The following SLC36A1 variants were observed in gnomAD, a reference collection of about 807,000 sequenced individuals.
The protein encoded by SLC36A1 is solute carrier family 36 member 1.
In SLC36A1, 30 loss-of-function variants were observed where a neutral mutation model predicts 47.5. The ratio of observed to expected loss-of-function variants is 0.63; its 90% CI spans 0.47 to 0.86. The LOEUF is 0.86. Ranked by LOEUF, SLC36A1 falls within the 40% of genes least tolerant of loss-of-function variation. The pLI is 0.00. For synonymous variants in SLC36A1, 255 were observed against 249.7 expected (o/e 1.02, Z -0.20); for missense variants, 517 against 606.0 (o/e 0.85, Z 1.54).
the SLC36A1 span, among the ~76,000 whole-genome samples, chr5:151,348,179 T>G: frequency 6.6e-6 from 1 of 152,088 alleles, no homozygotes; most frequent in African/African-American, 2.4e-5. Flanking sequence ...GAGTAAAGAG[T>G]GTTCTTCTGG....
chr5:151,532,040 GC>G, the SLC36A1 span: 1 of 1,568,546 alleles, frequency 6.4e-7, no homozygotes, highest in Non-Finnish European at 8.7e-7. Flanking sequence ...AGCAAACCCT[GC>G]AGCCACAGGA....
chr5:151,521,426 G>A, the SLC36A1 span: 1 of 1,614,098 alleles, frequency 6.2e-7, no homozygotes, highest in African/African-American at 1.3e-5. Context: ...GGCACCATGG[G>A]CATAGCTGAC....
chr5:151,544,070 C>A, the SLC36A1 span: 1 of 1,614,194 alleles, frequency 6.2e-7, no homozygotes, highest in Non-Finnish European at 8.5e-7. Flanking sequence ...TCTCCTTTAT[C>A]CATGGCCCTG....
chr5:151,366,228 A>G, the SLC36A1 span, among the ~76,000 whole-genome samples: 1 of 152,188 alleles, frequency 6.6e-6, no homozygotes, highest in Non-Finnish European at 1.5e-5. Flanking sequence ...TCAGGAATAG[A>G]ACTCAGATCC....
At chr5:151,385,605 A>T in the SLC36A1 span, among the ~76,000 whole-genome samples, 3 of 152,196 alleles carry the variant, frequency 2.0e-5, no homozygotes, top group African/African-American at 7.2e-5. Flanking sequence ...GACTGAGACC[A>T]TCTGAGAGGG....
intron 2 of SLC36A1, among the ~76,000 whole-genome samples, chr5:151,459,443 C>T (rs144849436): frequency 2.0e-5 from 3 of 152,316 alleles, no homozygotes; most frequent in Non-Finnish European, 4.4e-5. Context: ...TCTCTTGTCT[C>T]CAGAAACTGG....
chr5:151,450,196 G>A (rs577041170), intron 1 of SLC36A1, among the ~76,000 whole-genome samples: 37 of 152,072 alleles, frequency 2.4e-4, no homozygotes, highest in Non-Finnish European at 5.0e-4. Flanking sequence ...TTACTAGCAC[G>A]TAGAGTGGAC....
intron 10 of SLC36A1, among the ~76,000 whole-genome samples, chr5:151,487,022 A>G (rs1759657392): frequency 6.6e-6 from 1 of 152,220 alleles, no homozygotes; most frequent in African/African-American, 2.4e-5. Flanking sequence ...TTTGCCAACA[A>G]GAAAACTGGG....
At chr5:151,481,796 T>C (rs1201130122) in intron 10 of SLC36A1, among the ~76,000 whole-genome samples, 1 of 152,216 alleles carries the variant, frequency 6.6e-6, no homozygotes, top group Admixed American at 6.5e-5. Flanking sequence ...GCTCATTTTG[T>C]TATGATTTCA....
At chr5:151,504,130 T>A in the SLC36A1 span, 2 of 148,906 alleles carry the variant, frequency 1.3e-5, no homozygotes, top group African/African-American at 2.5e-5. Context: ...AAAAAAAAAA[T>A]GACCAATGAA....
At chr5:151,467,445 C>T (rs1756600218) in intron 6 of SLC36A1, among the ~76,000 whole-genome samples, 162 bp downstream of exon 6, 1 of 152,160 alleles carries the variant, frequency 6.6e-6, no homozygotes, top group African/African-American at 2.4e-5. Context: ...ATTTGATTCC[C>T]ATGGAAAGAG....
chr5:151,468,178 G>C (rs1343702473), intron 7 of SLC36A1, among the ~76,000 whole-genome samples: 1 of 145,254 alleles, frequency 6.9e-6, no homozygotes, highest in Non-Finnish European at 1.5e-5. Flanking sequence ...CTTGAACCTG[G>C]GAGGCGAAGG....
the SLC36A1 span, among the ~76,000 whole-genome samples, chr5:151,428,076 G>A: frequency 1.3e-5 from 2 of 152,182 alleles, no homozygotes; most frequent in Admixed American, 1.3e-4. Context: ...TTGTGGTGGA[G>A]GTGGTGGCTC....
chr5:151,512,758 A>T, the SLC36A1 span: 2 of 688,118 alleles, frequency 2.9e-6, no homozygotes, highest in Non-Finnish European at 2.4e-6. The surrounding 1 kb of genome is among the most constrained non-coding windows in gnomAD (Gnocchi z 4.1). Flanking sequence ...GAGCATAAAA[A>T]CCCTCAAAGT....
At chr5:151,396,421 A>T in the SLC36A1 span, among the ~76,000 whole-genome samples, 1 of 152,116 alleles carries the variant, frequency 6.6e-6, no homozygotes, top group East Asian at 1.9e-4. Flanking sequence ...ATTATTAATG[A>T]TGGGTATAAA....
At chr5:151,386,029 G>A in the SLC36A1 span, among the ~76,000 whole-genome samples, 4 of 151,812 alleles carry the variant, frequency 2.6e-5, no homozygotes, top group African/African-American at 9.7e-5. Flanking sequence ...CCGCCACCAC[G>A]TCTCGCTAAC....
chr5:151,367,361 A>ATTTTTT, the SLC36A1 span, among the ~76,000 whole-genome samples: 806 of 118,864 alleles, frequency 6.8e-3, 22 homozygotes, highest in African/African-American at 0.025. Flanking sequence ...CCAGGAATGC[A>ATTTTTT]TTTTTTTTTT....
At chr5:151,350,812 C>A in the SLC36A1 span, among the ~76,000 whole-genome samples, 1 of 151,996 alleles carries the variant, frequency 6.6e-6, no homozygotes, top group Non-Finnish European at 1.5e-5. Context: ...AGTGATCCTC[C>A]CACCTCAGCC....
the SLC36A1 span, chr5:151,532,046 A>T: frequency 1.9e-6 from 3 of 1,556,668 alleles, no homozygotes; most frequent in Non-Finnish European, 2.6e-6. Context: ...CCCTGCAGCC[A>T]CAGGAGGGGC....
Sources: gnomAD v4.1 joint callset for allele counts (sites outside exome capture counted in the v4.1 genomes callset) on GRCh38, gnomAD v4.1.1 for gene constraint, Gnocchi (gnomAD v3.1) non-coding constraint, MANE v1.5 for transcripts, NCBI Gene and HGNC (gene_info 2026-07-23, HGNC 2026-07-21) for gene names.